Variants in LRP1B observed in about 807,000 individuals in gnomAD.
The protein encoded by LRP1B is LDL receptor related protein 1B.
A neutral mutation model predicts 556.6 loss-of-function variants in LRP1B; 217 were observed. The observed-to-expected ratio is 0.39, with a 90% CI of 0.35 to 0.44. LRP1B has a LOEUF of 0.44. Ranked by LOEUF, LRP1B falls within the 20% of genes least tolerant of loss-of-function variation. LRP1B has a pLI of 1.00. For missense variants in LRP1B, 5,053 were observed against 5,620.8 expected, an observed-to-expected ratio of 0.90 and a Z score of 3.23; for synonymous variants, 2,047 against 1,865.8, an observed-to-expected ratio of 1.10 and a Z score of -2.50.
chr2:140,854,076 A>C (rs1692541383), intron 27 of LRP1B, among the ~76,000 whole-genome samples: 1 of 148,888 alleles, frequency 6.7e-6, no homozygotes, highest in Non-Finnish European at 1.5e-5. Context: ...AAAAAAAAAA[A>C]GAAGAAAATG....
intron 7 of LRP1B, among the ~76,000 whole-genome samples, chr2:141,183,549 T>C (rs1383458795): frequency 1.3e-5 from 2 of 152,054 alleles, no homozygotes; most frequent in African/African-American, 4.8e-5. Flanking sequence ...TGGCCTGCTC[T>C]TGTACAGAAC....
intron 72 of LRP1B, among the ~76,000 whole-genome samples, chr2:140,361,734 A>G (rs1388596407): frequency 6.6e-6 from 1 of 151,084 alleles, no homozygotes; most frequent in African/African-American, 2.4e-5. Flanking sequence ...CCCCTTCCTG[A>G]CCTATCTTTA....
chr2:140,683,951 C>T, intron 41 of LRP1B: 1 of 372,948 alleles, frequency 2.7e-6, no homozygotes, highest in Non-Finnish European at 5.0e-6. Flanking sequence ...CGTGACGCGC[C>T]TTTACTTTCA....
intron 1 of LRP1B, among the ~76,000 whole-genome samples, chr2:141,915,563 C>CA (rs147333342): frequency 0.026 from 3,902 of 152,062 alleles, 59 homozygotes; most frequent in East Asian, 0.042. Context: ...GAAATTGCAA[C>CA]AAAAACAAAA....
chr2:140,731,542 G>A, intron 35 of LRP1B, among the ~76,000 whole-genome samples: 1 of 151,920 alleles, frequency 6.6e-6, no homozygotes, highest in Non-Finnish European at 1.5e-5. Flanking sequence ...GGCCAAGGTG[G>A]GAGGATCACG....
At chr2:141,367,072 G>T (rs1573863959) in intron 3 of LRP1B, among the ~76,000 whole-genome samples, 1 of 152,126 alleles carries the variant, frequency 6.6e-6, no homozygotes, top group Admixed American at 6.5e-5. Context: ...TAAATATAGT[G>T]GGCAACAGAG....
intron 1 of LRP1B, among the ~76,000 whole-genome samples, chr2:141,897,892 A>G (rs1170788250): frequency 2.6e-5 from 4 of 152,134 alleles, no homozygotes; most frequent in East Asian, 3.9e-4. Context: ...ATACACACAC[A>G]CGTGCACACA....
intron 2 of LRP1B, among the ~76,000 whole-genome samples, chr2:141,666,385 ATGTT>A (rs528142186): frequency 2.6e-5 from 4 of 152,226 alleles, no homozygotes; most frequent in African/African-American, 2.4e-5. Context: ...TGGCTGTTCC[ATGTT>A]TGTTTGTTTG....
At chr2:141,616,094 C>A (rs938053263) in intron 2 of LRP1B, among the ~76,000 whole-genome samples, 3 of 151,916 alleles carry the variant, frequency 2.0e-5, no homozygotes, top group African/African-American at 7.3e-5. Context: ...CCATCCTGGC[C>A]AACATGTTGA....
chr2:140,701,634 A>G, intron 40 of LRP1B, 87 bp downstream of exon 40: 1 of 1,332,578 alleles, frequency 7.5e-7, no homozygotes, highest in South Asian at 1.4e-5. Context: ...GACTTATAGA[A>G]GAATTTCTAA....
chr2:141,327,642 AATAG>A (rs1423001768), intron 3 of LRP1B, among the ~76,000 whole-genome samples: 2 of 152,230 alleles, frequency 1.3e-5, no homozygotes, highest in African/African-American at 4.8e-5. Context: ...GAATTAAAAT[AATAG>A]ATCACATTTC....
chr2:140,910,423 T>C (rs192561908), intron 21 of LRP1B, among the ~76,000 whole-genome samples: 349 of 151,906 alleles, frequency 2.3e-3, no homozygotes, highest in African/African-American at 8.0e-3. Flanking sequence ...AAAGAGGTAA[T>C]CATTTTAAAA....
At position 141,566,421 on chromosome 2, in the gene LRP1B, A is replaced by C. The variant is rs190602386; in HGVS notation, c.206-85888T>G. 1.8e-3 allele frequency among the ~76,000 whole-genome samples: 272 copies of C among 152,288 alleles called. 2 individuals are homozygous for C. Among genetic ancestry groups the C allele is most frequent in the Non-Finnish European group, 1.5e-3 (102 of 68,028 alleles). On this transcript the variant is annotated intron_variant, in intron 2 of 90. Transcript: ENST00000389484. The stretch of plus-strand genomic sequence containing the variant: ...AAACATAATTATGAGCATTCCCATA[A>C]AATTTAAAAATTAATAAGAATTGTA...
rs144617216 is a variant in LRP1B at position 141,316,381 on chromosome 2, G to A, written c.344-61740C>T. On this transcript the variant is annotated intron_variant, in intron 3 of 90. Transcript: ENST00000389484. Reference sequence around the variant, plus strand: ...TTTTCTGTCATGCTGAAACAAGAAAGCAATACACTTTTCTGCTCAGAGTTT... The same window carrying A: ...TTTTCTGTCATGCTGAAACAAGAAAACAATACACTTTTCTGCTCAGAGTTT... Among the ~76,000 whole-genome samples the A allele has an allele frequency of 3.2e-3, 487 of 152,212 alleles. 2 individuals are homozygous for A. Among genetic ancestry groups the A allele is most frequent in the African/African-American group, 0.011 (451 of 41,536 alleles).
chr2:140,657,164 T>C (rs376919862), intron 41 of LRP1B, among the ~76,000 whole-genome samples: 3 of 152,038 alleles, frequency 2.0e-5, no homozygotes, highest in Middle Eastern at 3.4e-3. Context: ...ACATCCCTTT[T>C]GGTAAAGAAA....
intron 7 of LRP1B, among the ~76,000 whole-genome samples, chr2:141,137,147 C>G (rs998366627): frequency 1.3e-5 from 2 of 151,758 alleles, no homozygotes; most frequent in African/African-American, 4.8e-5. Context: ...GAATATTTTT[C>G]CATTGTTATA....
At chr2:140,706,091 G>C (rs1686826768) in intron 37 of LRP1B, among the ~76,000 whole-genome samples, 1 of 152,100 alleles carries the variant, frequency 6.6e-6, no homozygotes, top group South Asian at 2.1e-4. Flanking sequence ...AGATGCACCT[G>C]AGATATCATT....
intron 1 of LRP1B, among the ~76,000 whole-genome samples, chr2:142,076,588 G>C (rs1705510004): frequency 6.6e-6 from 1 of 152,008 alleles, no homozygotes; most frequent in African/African-American, 2.4e-5. Flanking sequence ...CATCAAAAGA[G>C]GATAAGAAGG....
In LRP1B at chr2:141,852,102, G is replaced by A. The variant is rs542910089; in HGVS notation, c.83-41701C>T. ...ATCAATAAATTCATCTTTTAAAAAC[G>A]GTGTTCTAGAATAGGTAGTTGTGAT... On this transcript the variant is annotated intron_variant, in intron 1 of 90. Transcript: ENST00000389484. 3.1e-3 allele frequency among the ~76,000 whole-genome samples: 463 copies of A among 151,684 alleles called. 2 individuals are homozygous for A. The highest frequency in any genetic ancestry group is 5.5e-3 in the Non-Finnish European group (374 of 67,730).
Sources: allele counts gnomAD v4.1 joint callset (sites outside exome capture counted in the v4.1 genomes callset), GRCh38; gene constraint gnomAD v4.1.1; transcripts MANE v1.5; gene names NCBI Gene and HGNC (gene_info 2026-07-23, HGNC 2026-07-21).